The following LRP1B variants were observed in gnomAD, a reference collection of about 807,000 sequenced individuals.
The protein encoded by LRP1B is LDL receptor related protein 1B.
In LRP1B, 217 loss-of-function variants were observed where a neutral mutation model predicts 556.6. That is an observed-to-expected ratio of 0.39 (90% CI 0.35 to 0.44). The LOEUF (loss-of-function observed/expected upper bound fraction) is 0.44, where lower values mean the gene tolerates loss of function less well. Among genes scored for constraint, LRP1B ranks in the 20% least tolerant of loss-of-function variants. The probability of loss-of-function intolerance (pLI) is 1.00; values close to 1 mark genes in which losing one functional copy is unlikely to be tolerated. For synonymous variants in LRP1B, 2,047 were observed against 1,865.8 expected, an observed-to-expected ratio of 1.10 and a Z score of -2.50; for missense variants, 5,053 against 5,620.8, an observed-to-expected ratio of 0.90 and a Z score of 3.23.
intron 4 of LRP1B, among the ~76,000 whole-genome samples, chr2:141,253,587 A>C (rs765409577): frequency 3.3e-5 from 5 of 152,130 alleles, no homozygotes; most frequent in Non-Finnish European, 5.9e-5. Flanking sequence ...TCAATGAACT[A>C]TCAGGATCTC....
chr2:141,124,889 C>T (rs1193648584), intron 7 of LRP1B, among the ~76,000 whole-genome samples: 1 of 152,018 alleles, frequency 6.6e-6, no homozygotes, highest in Non-Finnish European at 1.5e-5. Flanking sequence ...TGCATATATA[C>T]AGAAAGATTA....
rs369887254 is a variant in LRP1B at position 140,740,169 on chromosome 2, G to A, written c.5759-23353C>T. On this transcript the variant is annotated intron_variant, in intron 35 of 90. Transcript: ENST00000389484. ...ATCTGATCCAGCAACCCCACTCCTG[G>A]GTATCTATCTAGAGGAAAAAGGTCA... is the stretch of plus-strand genomic sequence containing the variant. Among the ~76,000 whole-genome samples the A allele has an allele frequency of 1.2e-4, 18 of 152,168 alleles. No individual in the cohort carries two copies. The South Asian group carries it at 3.7e-3, about 32-fold the overall frequency.
chr2:141,272,443 A>G (rs1368545449), intron 3 of LRP1B, among the ~76,000 whole-genome samples: 1 of 152,198 alleles, frequency 6.6e-6, no homozygotes, highest in Non-Finnish European at 1.5e-5. Context: ...AACAAAAGGT[A>G]AAATACCAAA....
chr2:140,358,199 TAAC>T, intron 73 of LRP1B, 83 bp from the exon 74 acceptor site: 1 of 1,276,762 alleles, frequency 7.8e-7, no homozygotes, highest in South Asian at 1.5e-5. Flanking sequence ...AAAATTTTAC[TAAC>T]TACTATGAAA....
chr2:141,696,045 A>G (rs1249151275), intron 2 of LRP1B, among the ~76,000 whole-genome samples: 1 of 152,014 alleles, frequency 6.6e-6, no homozygotes, highest in Non-Finnish European at 1.5e-5. Flanking sequence ...TAATTCACAA[A>G]TACCCTTTAA....
intron 66 of LRP1B, among the ~76,000 whole-genome samples, chr2:140,388,975 C>T (rs1381372700): frequency 6.6e-6 from 1 of 152,030 alleles, no homozygotes; most frequent in Non-Finnish European, 1.5e-5. Flanking sequence ...TGATATAAAA[C>T]AGAACATATA....
At chr2:141,522,181 T>G (rs1017831253) in intron 2 of LRP1B, among the ~76,000 whole-genome samples, 1 of 152,138 alleles carries the variant, frequency 6.6e-6, no homozygotes, top group Admixed American at 6.6e-5. Flanking sequence ...CCAGAAACTT[T>G]TGGACAGTGG....
intron 75 of LRP1B, among the ~76,000 whole-genome samples, chr2:140,353,426 T>C (rs1487388657): frequency 6.6e-6 from 1 of 152,086 alleles, no homozygotes; most frequent in Admixed American, 6.6e-5. Flanking sequence ...CTAGATAAAC[T>C]TGTGCCATGG....
chr2:140,345,379 T>C (rs988742930), intron 77 of LRP1B, among the ~76,000 whole-genome samples: 1 of 151,690 alleles, frequency 6.6e-6, no homozygotes, highest in Non-Finnish European at 1.5e-5. Context: ...CCTGATCTCT[T>C]CCTCAAAATA....
chr2:140,386,092 A>G (rs1683749393), intron 66 of LRP1B, 83 bp from the exon 67 acceptor site: 1 of 777,432 alleles, frequency 1.3e-6, no homozygotes, highest in Non-Finnish European at 2.2e-6. Context: ...TGCCAAATCC[A>G]TGGCATATAA....
At chr2:140,456,391 G>C (rs948148029) in intron 62 of LRP1B, 64 bp downstream of exon 62, 5 of 1,478,170 alleles carry the variant, frequency 3.4e-6, no homozygotes, top group Non-Finnish European at 4.6e-6. Context: ...TCAATGTTAT[G>C]CTAAACAAAA....
intron 4 of LRP1B, among the ~76,000 whole-genome samples, chr2:141,253,261 C>T (rs1477344528): frequency 6.6e-6 from 1 of 152,082 alleles, no homozygotes; most frequent in Non-Finnish European, 1.5e-5. Context: ...CCTTATTTTC[C>T]AGAACATCTG....
chr2:141,395,570 T>C (rs1277413634), intron 3 of LRP1B, among the ~76,000 whole-genome samples: 1 of 152,166 alleles, frequency 6.6e-6, no homozygotes, highest in African/African-American at 2.4e-5. Context: ...CTTTACTTTA[T>C]ATATTCATAT....
chr2:141,693,678 C>T (rs1395025316), intron 2 of LRP1B, among the ~76,000 whole-genome samples: 2 of 152,030 alleles, frequency 1.3e-5, no homozygotes, highest in Admixed American at 6.6e-5. Flanking sequence ...CTTATACAGA[C>T]AGATCATTTG....
intron 3 of LRP1B, among the ~76,000 whole-genome samples, chr2:141,442,806 C>T (rs910748489): frequency 6.6e-6 from 1 of 152,126 alleles, no homozygotes; most frequent in Admixed American, 6.6e-5. Context: ...ATATGTGCCA[C>T]CTTTTCTTTA....
intron 35 of LRP1B, among the ~76,000 whole-genome samples, chr2:140,745,516 TC>T (rs1688286469): frequency 1.3e-5 from 2 of 152,184 alleles, no homozygotes; most frequent in African/African-American, 2.4e-5. Flanking sequence ...ACTATGACTA[TC>T]CCCAAAACAA....
intron 2 of LRP1B, among the ~76,000 whole-genome samples, chr2:141,614,004 C>T (rs866978281): frequency 3.3e-5 from 4 of 122,974 alleles, no homozygotes; most frequent in Non-Finnish European, 4.8e-5. Flanking sequence ...AACCAGGAGG[C>T]GGAGATTGTC....
chr2:141,141,422 G>T (rs566986609), intron 7 of LRP1B, among the ~76,000 whole-genome samples: 85 of 152,164 alleles, frequency 5.6e-4, no homozygotes, highest in African/African-American at 2.0e-3. Flanking sequence ...GCAAACACAG[G>T]TTTAACCAAA....
chr2:140,908,767 G>C (rs1461743014), intron 21 of LRP1B, among the ~76,000 whole-genome samples: 1 of 152,104 alleles, frequency 6.6e-6, no homozygotes, highest in Non-Finnish European at 1.5e-5. Context: ...GTAACAGTGA[G>C]AAACACAAAG....
Sources: gnomAD v4.1 joint callset for allele counts (sites outside exome capture counted in the v4.1 genomes callset) on GRCh38, gnomAD v4.1.1 for gene constraint, MANE v1.5 for transcripts, NCBI Gene and HGNC (gene_info 2026-07-23, HGNC 2026-07-21) for gene names.